COL23A1: variants seen among roughly 807,000 people sequenced by gnomAD.
The protein encoded by COL23A1 is collagen type XXIII alpha 1 chain.
COL23A1 carries 97 observed loss-of-function variants against 99.3 expected under a neutral mutation model. The observed-to-expected ratio is 0.98, with a 90% confidence interval of 0.83 to 1.16. The LOEUF is 1.16. Among genes scored for constraint, COL23A1 ranks in the 50% most tolerant of loss-of-function variants. The pLI, the probability that COL23A1 is intolerant of heterozygous loss-of-function variation, is 0.00. For missense variants in COL23A1, 762 were observed against 757.4 expected (o/e 1.01, Z -0.07); for synonymous variants, 320 against 308.2 (o/e 1.04, Z -0.40).
chr5:178,257,182 T>C (rs1765352276), intron 13 of COL23A1, among the ~76,000 whole-genome samples: 1 of 152,056 alleles, frequency 6.6e-6, no homozygotes, highest in Non-Finnish European at 1.5e-5. Flanking sequence ...AAGGGACATT[T>C]TGGAGACTGG....
chr5:178,441,943 G>A (rs1157805512), intron 2 of COL23A1, among the ~76,000 whole-genome samples: 1 of 152,142 alleles, frequency 6.6e-6, no homozygotes, highest in Non-Finnish European at 1.5e-5. Flanking sequence ...GCCTAAGCAT[G>A]ACCAGGCAGA....
rs563028068 is a variant in COL23A1, at chr5:178,366,181, T to G, written c.362-59262A>C. 1.5e-4 allele frequency among the ~76,000 whole-genome samples: 23 copies of G among 152,296 alleles called. No individual in the cohort carries two copies. The highest frequency in any genetic ancestry group is 5.5e-4 in the African/African-American group (23 of 41,578). On this transcript the variant is annotated intron_variant, in intron 2 of 28. Coordinates refer to ENST00000390654, the MANE Select transcript of COL23A1 (RefSeq NM_173465.4). This position sits in a 1 kb window ranked among gnomAD's most constrained non-coding sequence, Gnocchi z 4.4. The stretch of plus-strand genomic sequence containing the variant: ...AGGGCAGGGCTGGGTCTGATTCACC[T>G]CTTCCTCCCCGGAGCCCAGGGTTCA...
chr5:178,413,575 C>T (rs997187180), intron 2 of COL23A1, among the ~76,000 whole-genome samples: 1 of 152,144 alleles, frequency 6.6e-6, no homozygotes, highest in Admixed American at 6.5e-5. Flanking sequence ...CTGATCTCAC[C>T]AAACTTTAGT....
intron 2 of COL23A1, among the ~76,000 whole-genome samples, chr5:178,412,899 T>A (rs1196266630): frequency 6.6e-6 from 1 of 152,154 alleles, no homozygotes; most frequent in Non-Finnish European, 1.5e-5. Context: ...ACACTGTACA[T>A]CATCTGGAAA....
At chr5:178,483,800 G>A (rs624682) in intron 2 of COL23A1, among the ~76,000 whole-genome samples, 3,075 of 152,352 alleles carry the variant, frequency 0.02, 109 homozygotes, top group African/African-American at 0.069. Flanking sequence ...CGTGCAGCGG[G>A]GTTCCTCTTC....
chr5:178,579,455 CTTTG>C (rs913846847), intron 1 of COL23A1, among the ~76,000 whole-genome samples: 34 of 152,178 alleles, frequency 2.2e-4, no homozygotes, highest in East Asian at 1.5e-3. Flanking sequence ...AGGCTGAAGT[CTTTG>C]TTTGTTTGTT....
At chr5:178,246,020 CACAGCTGCTGGG>C (rs768056684) in intron 24 of COL23A1, 52 bp from the exon 25 acceptor site, 30 of 1,604,606 alleles carry the variant, frequency 1.9e-5, no homozygotes, top group Non-Finnish European at 2.4e-5. Flanking sequence ...GTGCTGGGAG[CACAGCTGCTGGG>C]AAGTCCAGCC....
At chr5:178,486,662 C>T (rs1236834018) in intron 2 of COL23A1, among the ~76,000 whole-genome samples, 4 of 151,992 alleles carry the variant, frequency 2.6e-5, no homozygotes, top group African/African-American at 9.7e-5. Flanking sequence ...CAGGGAGAGC[C>T]GGGTGAAAAA....
intron 2 of COL23A1, among the ~76,000 whole-genome samples, chr5:178,507,176 T>A (rs547313033): frequency 6.6e-6 from 1 of 152,216 alleles, no homozygotes; most frequent in Non-Finnish European, 1.5e-5. Context: ...CTCTACACAG[T>A]TCTGCACCTG....
chr5:178,515,659 G>A (rs577505803), intron 2 of COL23A1, among the ~76,000 whole-genome samples: 60 of 152,150 alleles, frequency 3.9e-4, no homozygotes, highest in African/African-American at 1.3e-3. Flanking sequence ...TCGGACCCCC[G>A]CTCCCCGCCT....
chr5:178,421,666 C>A (rs183215977), intron 2 of COL23A1, among the ~76,000 whole-genome samples: 1 of 152,074 alleles, frequency 6.6e-6, no homozygotes, highest in Non-Finnish European at 1.5e-5. Flanking sequence ...GTCAGAAGTT[C>A]GAGACCAGCC....
intron 2 of COL23A1, among the ~76,000 whole-genome samples, chr5:178,377,146 GA>G: frequency 6.6e-6 from 1 of 152,340 alleles, no homozygotes; most frequent in South Asian, 2.1e-4. Context: ...GAAAGCGTCT[GA>G]GTCAGCAGTG....
At chr5:178,319,708 T>C (rs1759183402) in intron 2 of COL23A1, among the ~76,000 whole-genome samples, 1 of 152,178 alleles carries the variant, frequency 6.6e-6, no homozygotes, top group South Asian at 2.1e-4. Context: ...CAGCCCGGCA[T>C]GGCCCAGTTT....
At chr5:178,587,876 T>C (rs569697254) in intron 1 of COL23A1, among the ~76,000 whole-genome samples, 1 of 152,136 alleles carries the variant, frequency 6.6e-6, no homozygotes, top group East Asian at 1.9e-4. Context: ...GCTGGTACCC[T>C]AAGAGAGAGA....
At chr5:178,277,219 G>T (rs918672320) in intron 5 of COL23A1, among the ~76,000 whole-genome samples, 1 of 140,026 alleles carries the variant, frequency 7.1e-6, no homozygotes, top group Admixed American at 7.1e-5. Flanking sequence ...AAAAAAAAAA[G>T]GTTGGGTGTG....
At position 178,297,787 on chromosome 5, in the gene COL23A1, C is replaced by T. The variant is rs575044587; in HGVS notation, c.407-7418G>A. 2.6e-5 allele frequency among the ~76,000 whole-genome samples: 4 copies of T among 152,188 alleles called. No homozygotes were observed. The South Asian group carries it at 8.3e-4, about 32-fold the overall frequency. On this transcript the variant is annotated intron_variant, in intron 3 of 28. Transcript: ENST00000390654. The stretch of plus-strand genomic sequence containing the variant: ...GGGTAGGCACAAGCACTTAAGTCAG[C>T]ATGTGCTGAATGGATGAGGGCTGAA...
At chr5:178,344,738 A>G in intron 2 of COL23A1, 1 of 384,074 alleles carries the variant, frequency 2.6e-6, no homozygotes, top group Non-Finnish European at 4.9e-6. Flanking sequence ...GAGACACAGA[A>G]CCTACTGAAA....
chr5:178,416,023 AG>A (rs1765287474), intron 2 of COL23A1, among the ~76,000 whole-genome samples: 1 of 152,152 alleles, frequency 6.6e-6, no homozygotes, highest in African/African-American at 2.4e-5. Flanking sequence ...CAGAAACAGT[AG>A]GCCAAGTCAT....
At chr5:178,507,198 T>G (rs1048165955) in intron 2 of COL23A1, among the ~76,000 whole-genome samples, 3 of 152,200 alleles carry the variant, frequency 2.0e-5, no homozygotes, top group African/African-American at 7.2e-5. Context: ...GCTCCTCCAG[T>G]CGGCAATATC....
Sources: allele counts gnomAD v4.1 joint callset (sites outside exome capture counted in the v4.1 genomes callset), GRCh38; gene constraint gnomAD v4.1.1; non-coding constraint Gnocchi (gnomAD v3.1); transcripts MANE v1.5; gene names NCBI Gene and HGNC (gene_info 2026-07-23, HGNC 2026-07-21).